The following HOMER2 variants were observed in gnomAD, a reference collection of about 807,000 sequenced individuals.
The protein encoded by HOMER2 is homer protein homolog 2.
HOMER2 carries 27 observed loss-of-function variants against 47.0 expected under a neutral mutation model. The observed-to-expected ratio is 0.57, with a 90% CI of 0.42 to 0.79. The LOEUF (loss-of-function observed/expected upper bound fraction) is 0.79, where lower values mean the gene tolerates loss of function less well. HOMER2 is among the 30% of genes least tolerant of loss of function. The pLI, the probability that HOMER2 is intolerant of heterozygous loss-of-function variation, is 0.00. For missense variants in HOMER2, 443 were observed against 435.0 expected (o/e 1.02, Z -0.16); for synonymous variants, 161 against 163.8 (o/e 0.98, Z 0.13).
rs1030654643 is a variant in HOMER2 at position 82,868,701 on chromosome 15, G to A, written c.295-4442C>T. The stretch of plus-strand genomic sequence containing the variant: ...TGAGTAGCTGGGATTACAGGCATGC[G>A]CCACCACGCCCGGCTAATTTTGTAT... On this transcript the variant is annotated intron_variant, in intron 3 of 8. Coordinates refer to ENST00000450735, the MANE Select transcript of HOMER2 (RefSeq NM_004839.4). Among the ~76,000 whole-genome samples the A allele has an allele frequency of 3.3e-5, 5 of 150,280 alleles. No homozygotes were observed. In the East Asian group the frequency reaches 5.9e-4, roughly 18 times the overall value.
intron 7 of HOMER2, 75 bp from the exon 8 acceptor site, chr15:82,851,306 G>T: frequency 2.0e-6 from 2 of 1,022,328 alleles, no homozygotes; most frequent in Non-Finnish European, 3.0e-6. Flanking sequence ...ACCAATGTGT[G>T]CACGCTCGTG....
Position 82,858,990 on chromosome 15 carries a change from G to A in HOMER2, c.494+39C>T, listed in dbSNP as rs745746026. On this transcript the variant is annotated intron_variant, in intron 5 of 8. Coordinates refer to ENST00000450735, the MANE Select transcript of HOMER2 (RefSeq NM_004839.4). ...GAAAGGCTTCTAGGGAAGTGCTGAA[G>A]GTGGAGAAAATAGAATCTGGACTTT... 7 of 1,596,338 alleles carry A rather than the reference G, an allele frequency of 4.4e-6. No individual in the cohort carries two copies. In the East Asian group the frequency reaches 1.1e-4, roughly 26 times the overall value.
At chr15:82,860,065 T>C (rs1192832203) in intron 4 of HOMER2, among the ~76,000 whole-genome samples, 3 of 151,820 alleles carry the variant, frequency 2.0e-5, no homozygotes, top group Non-Finnish European at 2.9e-5. Context: ...CTGGCCAACA[T>C]AGTGAAACCC....
intron 1 of HOMER2, among the ~76,000 whole-genome samples, chr15:82,981,710 T>C (rs2030401377): frequency 6.6e-6 from 1 of 152,210 alleles, no homozygotes; most frequent in South Asian, 2.1e-4. Flanking sequence ...CATGCTACAA[T>C]GTGGATGAAC....
In HOMER2 at chr15:82,964,757, G is replaced by T. The variant is rs148812092; in HGVS notation, n.83-5449C>A. Reference sequence around the variant, plus strand: ...TGCACTCCGGCCTGGGTGACAAAGTGAGACTCCATCTCAAAAAAACAAAAC... The same window carrying T: ...TGCACTCCGGCCTGGGTGACAAAGTTAGACTCCATCTCAAAAAAACAAAAC... On this transcript the variant is annotated intron_variant and non_coding_transcript_variant, in intron 1 of 1. Coordinates refer to the HOMER2 transcript ENST00000500334. Among the ~76,000 whole-genome samples the T allele has an allele frequency of 1.2e-4, 18 of 152,174 alleles. No individual in the cohort carries two copies. The East Asian group carries it at 3.5e-3, about 30-fold the overall frequency.
At chr15:82,877,326 C>T (rs1435340506) in intron 2 of HOMER2, among the ~76,000 whole-genome samples, 1 of 152,106 alleles carries the variant, frequency 6.6e-6, no homozygotes, top group African/African-American at 2.4e-5. Context: ...ACCGCCACCA[C>T]ACCCGACAAA....
At chr15:82,843,769 CTG>C (rs1245136914) in exon 2 of HOMER2, 1 of 152,102 alleles carries the variant, frequency 6.6e-6, no homozygotes, top group Non-Finnish European at 1.5e-5. Flanking sequence ...CACTCACACA[CTG>C]TGGGTGGGAG....
intron 2 of HOMER2, among the ~76,000 whole-genome samples, chr15:82,880,597 G>C (rs548769255): frequency 6.6e-6 from 1 of 152,296 alleles, no homozygotes; most frequent in African/African-American, 2.4e-5. Flanking sequence ...TGTTAGGGAG[G>C]CTAATCTTCA....
intron 2 of HOMER2, among the ~76,000 whole-genome samples, chr15:82,881,133 C>A (rs959047385): frequency 3.9e-5 from 6 of 152,344 alleles, no homozygotes; most frequent in African/African-American, 1.2e-4. Flanking sequence ...CTTCTTCTTG[C>A]GTGAGTCATC....
At chr15:82,964,912 G>C (rs1303728720) in intron 1 of HOMER2, among the ~76,000 whole-genome samples, 4 of 152,126 alleles carry the variant, frequency 2.6e-5, no homozygotes, top group African/African-American at 9.7e-5. Flanking sequence ...CATAGGTTTG[G>C]GAAATACTAT....
chr15:82,844,835 A>C (rs889902596), downstream of HOMER2: 10 of 152,200 alleles, frequency 6.6e-5, no homozygotes, highest in African/African-American at 2.4e-4. Flanking sequence ...AACTGACGTA[A>C]AGTCGGGACT....
intron 5 of HOMER2, among the ~76,000 whole-genome samples, chr15:82,856,157 G>A (rs2051578385): frequency 6.6e-6 from 1 of 152,212 alleles, no homozygotes; most frequent in East Asian, 1.9e-4. Context: ...ATTATCTGGT[G>A]AATTCTAGAG....
intron 1 of HOMER2, among the ~76,000 whole-genome samples, chr15:82,947,058 A>C (rs772472889): frequency 6.6e-6 from 1 of 152,254 alleles, no homozygotes; most frequent in Admixed American, 6.5e-5. Flanking sequence ...AAGGGCAGGA[A>C]CTAACTAGTG....
intron 1 of HOMER2, among the ~76,000 whole-genome samples, chr15:82,969,396 AG>A (rs914636297): frequency 7.2e-5 from 11 of 152,184 alleles, no homozygotes. Context: ...TTACCCTAAA[AG>A]CTTGCTATTT....
chr15:82,944,498 T>C (rs183429542), intron 1 of HOMER2, among the ~76,000 whole-genome samples: 1 of 152,208 alleles, frequency 6.6e-6, no homozygotes, highest in Non-Finnish European at 1.5e-5. Context: ...ACTCTCAAGA[T>C]CTATAAAGTC....
chr15:82,984,000 G>C (rs2030491346), intron 1 of HOMER2, among the ~76,000 whole-genome samples: 2 of 151,632 alleles, frequency 1.3e-5, no homozygotes, highest in African/African-American at 4.8e-5. Flanking sequence ...TGCACTACTG[G>C]AGCTCCAGAA....
intron 2 of HOMER2, among the ~76,000 whole-genome samples, chr15:82,889,216 G>T (rs1171461829): frequency 6.6e-6 from 1 of 152,180 alleles, no homozygotes; most frequent in Non-Finnish European, 1.5e-5. Flanking sequence ...GGGATCAAAG[G>T]CCTAAAACAA....
chr15:82,920,892 A>G (rs1298091106), intron 1 of HOMER2, among the ~76,000 whole-genome samples: 1 of 149,298 alleles, frequency 6.7e-6, no homozygotes, highest in African/African-American at 2.5e-5. Context: ...TATGTTGCCC[A>G]GGCTAGATTC....
intron 4 of HOMER2, among the ~76,000 whole-genome samples, chr15:82,862,284 T>A (rs577927945): frequency 6.6e-6 from 1 of 152,232 alleles, no homozygotes; most frequent in Admixed American, 6.5e-5. Flanking sequence ...AAACAAAAAG[T>A]CATTCCTAAA....
Sources: allele counts gnomAD v4.1 joint callset (sites outside exome capture counted in the v4.1 genomes callset), GRCh38; gene constraint gnomAD v4.1.1; transcripts MANE v1.5; gene names NCBI Gene and HGNC (gene_info 2026-07-23, HGNC 2026-07-21).